The following MTMR6 variants were observed in gnomAD, a reference collection of about 807,000 sequenced individuals.
MTMR6 encodes the protein phosphatidylinositol-3,5-bisphosphate 3-phosphatase MTMR6.
A neutral mutation model predicts 80.1 loss-of-function variants in MTMR6; 47 were observed. The observed-to-expected ratio is 0.59, with a 90% CI of 0.46 to 0.75. The LOEUF (loss-of-function observed/expected upper bound fraction) is 0.75. MTMR6 is among the 30% of genes least tolerant of loss of function. The probability of loss-of-function intolerance (pLI) is 0.00; values close to 1 mark genes in which losing one functional copy is unlikely to be tolerated. For synonymous variants in MTMR6, 254 were observed against 253.0 expected (o/e 1.00, Z -0.04); for missense variants, 629 against 730.9 (o/e 0.86, Z 1.61).
chr13:25,259,931 G>A (rs1003223111), intron 6 of MTMR6, among the ~76,000 whole-genome samples: 1 of 151,426 alleles, frequency 6.6e-6, no homozygotes, highest in Non-Finnish European at 1.5e-5. Context: ...GCACAATCTC[G>A]GCTCACTGCA....
chr13:25,279,352 T>G (rs1957795199), intron 1 of MTMR6, among the ~76,000 whole-genome samples: 1 of 152,186 alleles, frequency 6.6e-6, no homozygotes. Flanking sequence ...AGACGTGTCT[T>G]GCTTCCCTTC....
Position 25,266,283 on chromosome 13 carries a change from TTTGCTACA to T in MTMR6, c.305-5_307del. 6.2e-7 allele frequency: 1 copy of T among 1,608,312 alleles called. No individual in the cohort carries two copies. The highest frequency in any genetic ancestry group is 8.5e-7 in the Non-Finnish European group (1 of 1,175,312). On this transcript the variant is annotated splice_acceptor_variant and splice_polypyrimidine_tract_variant and coding_sequence_variant and intron_variant, in exon 4 of 14. Coordinates refer to ENST00000381801, the MANE Select transcript of MTMR6 (RefSeq NM_004685.5). LOFTEE classifies it high-confidence loss of function. ...AGAAAATGCATAGAGATCTTCATAT[TTTGCTACA>T]GAATACAAAATTTTAAATGTTAAGT...
At chr13:25,263,817 C>T (rs1201549375) in intron 5 of MTMR6, among the ~76,000 whole-genome samples, 5 of 152,044 alleles carry the variant, frequency 3.3e-5, no homozygotes, top group East Asian at 1.9e-4. Flanking sequence ...ACCCAGGAGG[C>T]GGAGGTTGCA....
intron 6 of MTMR6, among the ~76,000 whole-genome samples, chr13:25,259,214 T>C (rs923651453): frequency 1.2e-4 from 18 of 152,294 alleles, no homozygotes; most frequent in Admixed American, 8.5e-4. Flanking sequence ...CCATACATCA[T>C]ATAATATGGC....
rs185049798 is a variant in MTMR6 at position 25,258,403 on chromosome 13, A to C, written c.859+157T>G. On this transcript the variant is annotated intron_variant, in intron 7 of 13. Coordinates refer to ENST00000381801, the MANE Select transcript of MTMR6 (RefSeq NM_004685.5). The stretch of plus-strand genomic sequence containing the variant: ...TTTATATTGACTACATGTTAAAATA[A>C]TGTTTATAATATATTAAGTAAGGAT... Among the ~76,000 whole-genome samples, 526 of 152,226 alleles carry C rather than the reference A, an allele frequency of 3.5e-3. 6 individuals are homozygous for C. Among genetic ancestry groups the C allele is most frequent in the African/African-American group, 0.012 (505 of 41,544 alleles).
intron 13 of MTMR6, among the ~76,000 whole-genome samples, chr13:25,250,238 T>C (rs1957055850): frequency 6.6e-6 from 1 of 152,134 alleles, no homozygotes; most frequent in African/African-American, 2.4e-5. Context: ...TTTGCTTATA[T>C]AGGATGGCAG....
Position 25,287,424 on chromosome 13 carries a change from T to C in MTMR6, c.-177A>G, listed in dbSNP as rs1957976585. The stretch of plus-strand genomic sequence containing the variant: ...GGTGCAGCCGGTGAGCGCCGTCTCC[T>C]AGAAACACTTCCCCAAACCCCGCGG... On this transcript the variant is annotated 5_prime_UTR_variant, in exon 1 of 14. Coordinates refer to ENST00000381801, the MANE Select transcript of MTMR6 (RefSeq NM_004685.5). The C allele has an allele frequency of 6.5e-6, 5 of 770,910 alleles. No homozygotes were observed. The South Asian group carries it at 8.1e-5, about 13-fold the overall frequency. 47.8% of individuals were successfully genotyped at this position (770,910 alleles called of 1,614,324 possible).
chr13:25,251,739 T>C lies in MTMR6; in HGVS notation c.1515A>G (p.Thr505=), dbSNP rs767753877. Reference sequence around the variant, plus strand: ...TAAATACAGACTGCCTAGGATGCAGTGTTCGATCAAATTGATGGTACATGT... The same window carrying C: ...TAAATACAGACTGCCTAGGATGCAGCGTTCGATCAAATTGATGGTACATGT... ...WRNMYHQFDR[T]LHPRQSVFNI... The change falls in exon 13 of 14, where the codon ACA becomes ACG. Residue 505 remains threonine (T), a synonymous_variant. Transcript: ENST00000381801. The surrounding 1 kb of genome is among the most constrained non-coding windows in gnomAD (Gnocchi z 4.1). 9.4e-6 allele frequency: 15 copies of C among 1,602,822 alleles called. No homozygotes were observed. The highest frequency in any genetic ancestry group is 1.3e-5 in the Non-Finnish European group (15 of 1,172,996).
chr13:25,249,500 A>G lies in MTMR6; in HGVS notation c.1606-8T>C, dbSNP rs765795325. ...TTTGCGTTGTTTAATTTTCTAGAACAAACACAAATTTGAAAAAATTACTAA... is the reference window on the plus strand; with the variant it reads ...TTTGCGTTGTTTAATTTTCTAGAACGAACACAAATTTGAAAAAATTACTAA... On this transcript the variant is annotated splice_region_variant and splice_polypyrimidine_tract_variant and intron_variant, in intron 13 of 13. Coordinates refer to ENST00000381801, the MANE Select transcript of MTMR6 (RefSeq NM_004685.5). The G allele has an allele frequency of 6.2e-7, 1 of 1,606,266 alleles. No individual in the cohort carries two copies. Among genetic ancestry groups the G allele is most frequent in the South Asian group, 1.1e-5 (1 of 90,354 alleles).
At position 25,251,923 on chromosome 13, in the gene MTMR6, T is replaced by A. The variant is rs1392882373; in HGVS notation, c.1408A>T (p.Asn470Tyr). ...FLLEDQKKYL[N>Y]PLYSSESHRF... The stretch of plus-strand genomic sequence containing the variant: ...TGAGATTCGGAACTGTAGAGAGGAT[T>A]TAAGTACTTCTTTTGGTCTTCCAAA... The change falls in exon 12 of 14, where the codon AAT (asparagine) becomes TAT (tyrosine). Residue 470 changes from asparagine (N) to tyrosine (Y), a missense_variant. Transcript: ENST00000381801. This position sits in a 1 kb window ranked among gnomAD's most constrained non-coding sequence, Gnocchi z 4.1. The A allele has an allele frequency of 6.2e-7, 1 of 1,609,888 alleles. No homozygotes were observed. The highest frequency in any genetic ancestry group is 8.5e-7 in the Non-Finnish European group (1 of 1,178,630).
intron 1 of MTMR6, among the ~76,000 whole-genome samples, chr13:25,280,359 C>A (rs577712421): frequency 6.6e-6 from 1 of 152,246 alleles, no homozygotes; most frequent in South Asian, 2.1e-4. Context: ...AATCATTCCA[C>A]AACATTTATT....
chr13:25,251,906 G>A lies in MTMR6; in HGVS notation c.1425C>T (p.Ser475=), dbSNP rs146057731. The A allele has an allele frequency of 1.3e-4, 213 of 1,606,788 alleles. 1 individual carries two copies. The highest frequency in any genetic ancestry group is 6.9e-4 in the South Asian group (62 of 89,244). The stretch of plus-strand genomic sequence containing the variant: ...CCAAAACTGTAAATCTGTGAGATTC[G>A]GAACTGTAGAGAGGATTTAAGTACT... The part of the protein sequence containing the change: ...QKKYLNPLYS[S]ESHRFTVLEP... Residue 475 remains serine, a synonymous_variant, in exon 12 of 14, where the codon TCC becomes TCT. Transcript: ENST00000381801. The surrounding 1 kb of genome is among the most constrained non-coding windows in gnomAD (Gnocchi z 4.1).
chr13:25,264,627 C>T lies in MTMR6; in HGVS notation c.591+1192G>A, dbSNP rs993642881. ...AAAATTGGCTGGGCATGGTGGCAGG[C>T]GCCTGTAGTCCCAGCTACTCAGGAG... is the stretch of plus-strand genomic sequence containing the variant. On this transcript the variant is annotated intron_variant, in intron 5 of 13. Coordinates refer to ENST00000381801, the MANE Select transcript of MTMR6 (RefSeq NM_004685.5). 5.3e-5 allele frequency among the ~76,000 whole-genome samples: 8 copies of T among 151,356 alleles called. No homozygotes were observed. The East Asian group carries it at 9.7e-4, about 18-fold the overall frequency.
At chr13:25,267,642 T>C in intron 3 of MTMR6, 137 bp downstream of exon 3, 6 of 768,896 alleles carry the variant, frequency 7.8e-6, no homozygotes, top group Non-Finnish European at 1.2e-5. Flanking sequence ...CAGGCCAATA[T>C]GGGGGAGATA....
At chr13:25,275,886 G>GGGAGGGGAGA (rs1323438256) in intron 1 of MTMR6, among the ~76,000 whole-genome samples, 6 of 126,928 alleles carry the variant, frequency 4.7e-5, no homozygotes, top group Non-Finnish European at 3.6e-5. Context: ...GGGAGGGGAG[G>GGGAGGGGAGA]GGAGGGGAGA....
chr13:25,270,750 A>G (rs933831419), intron 2 of MTMR6, among the ~76,000 whole-genome samples: 14 of 152,204 alleles, frequency 9.2e-5, no homozygotes, highest in African/African-American at 3.1e-4. Context: ...ATAGAATCAT[A>G]TATCAATTGG....
chr13:25,254,027 GTTAATC>G, intron 10 of MTMR6, 63 bp from the exon 11 acceptor site: 1 of 1,503,864 alleles, frequency 6.6e-7, no homozygotes, highest in Non-Finnish European at 9.2e-7. Flanking sequence ...TTCAGGTATT[GTTAATC>G]TTAAACATAC....
intron 6 of MTMR6, among the ~76,000 whole-genome samples, chr13:25,261,303 T>TAAAAAAAAAA (rs56833434): frequency 1.5e-4 from 6 of 40,870 alleles, no homozygotes; most frequent in Admixed American, 4.6e-4. Context: ...AACTCTGTCT[T>TAAAAAAAAAA]AAAAAAAAAA....
chr13:25,254,327 C>G, intron 10 of MTMR6, 58 bp downstream of exon 10: 1 of 1,216,066 alleles, frequency 8.2e-7, no homozygotes, highest in African/African-American at 1.5e-5. Context: ...AACATTTTGG[C>G]ATTCTAAACT....
Sources: gnomAD v4.1 joint callset for allele counts (sites outside exome capture counted in the v4.1 genomes callset) on GRCh38, gnomAD v4.1.1 for gene constraint, Gnocchi (gnomAD v3.1) non-coding constraint, MANE v1.5 for transcripts, NCBI Gene and HGNC (gene_info 2026-07-23, HGNC 2026-07-21) for gene names.